SHLD1: variants seen among roughly 807,000 people sequenced by gnomAD.
SHLD1 encodes the protein RINN1-REV7-interacting novel NHEJ regulator 3.
In SHLD1, 3 loss-of-function variants were observed where a neutral mutation model predicts 5.5. That is an observed-to-expected ratio of 0.54 (90% CI 0.25 to 1.40). SHLD1 has a LOEUF of 1.40. SHLD1 is among the 40% of genes most tolerant of loss of function. The pLI is 0.15. For synonymous variants in SHLD1, 92 were observed against 94.3 expected (o/e 0.98, Z 0.14); for missense variants, 210 against 244.4 (o/e 0.86, Z 0.94).
intron 2 of SHLD1, among the ~76,000 whole-genome samples, chr20:5,821,914 A>G (rs962295090): frequency 7.2e-5 from 11 of 152,098 alleles, no homozygotes; most frequent in Non-Finnish European, 1.2e-4. Context: ...TCATGATCTC[A>G]TCTCAGACAT....
At chr20:5,841,301 A>C (rs2087857025) in intron 2 of SHLD1, among the ~76,000 whole-genome samples, 1 of 152,188 alleles carries the variant, frequency 6.6e-6, no homozygotes, top group South Asian at 2.1e-4. Context: ...GTGAATTTTT[A>C]TATATGTGGG....
intron 2 of SHLD1, among the ~76,000 whole-genome samples, chr20:5,807,399 T>G (rs1321872495): frequency 6.6e-6 from 1 of 152,022 alleles, no homozygotes; most frequent in African/African-American, 2.4e-5. Flanking sequence ...TTTCCTTTTT[T>G]TTGAATTGGG....
At chr20:5,835,250 T>C (rs536869427) in intron 2 of SHLD1, among the ~76,000 whole-genome samples, 2 of 152,198 alleles carry the variant, frequency 1.3e-5, no homozygotes, top group South Asian at 2.1e-4. Context: ...TTCTTCCCGC[T>C]AGTTGTGTTG....
chr20:5,794,785 A>G (rs1323021266), intron 2 of SHLD1, among the ~76,000 whole-genome samples: 1 of 152,196 alleles, frequency 6.6e-6, no homozygotes, highest in Non-Finnish European at 1.5e-5. Flanking sequence ...TAGACGTCTA[A>G]TCAGTGAAAT....
chr20:5,847,742 G>A (rs2087949218), intron 2 of SHLD1, among the ~76,000 whole-genome samples: 1 of 152,210 alleles, frequency 6.6e-6, no homozygotes. Context: ...TCAGAATTTG[G>A]CAAAGATGTG....
rs184429530 is a variant in SHLD1 at position 5,753,165 on chromosome 20, T to C, written c.-5+2686T>C. Among the ~76,000 whole-genome samples, 244 of 152,296 alleles carry C rather than the reference T, an allele frequency of 1.6e-3. 1 individual carries two copies. The highest frequency in any genetic ancestry group is 5.8e-3 in the African/African-American group (241 of 41,576). Reference sequence around the variant, plus strand: ...CATGTGATGCTATACCAGTGTCAGGTTGGAAGATAAGCCACATTATACCAG... The same window carrying C: ...CATGTGATGCTATACCAGTGTCAGGCTGGAAGATAAGCCACATTATACCAG... On this transcript the variant is annotated intron_variant, in intron 1 of 2. Coordinates refer to ENST00000303142, the MANE Select transcript of SHLD1 (RefSeq NM_152504.4).
chr20:5,763,958 AAAAAAAAAAAAT>A, intron 1 of SHLD1, among the ~76,000 whole-genome samples: 1 of 146,018 alleles, frequency 6.8e-6, no homozygotes, highest in African/African-American at 2.5e-5. Context: ...AAAAAAAAAA[AAAAAAAAAAAAT>A]AGAAAAATCA....
At chr20:5,827,577 C>T (rs1397767316) in intron 2 of SHLD1, among the ~76,000 whole-genome samples, 1 of 152,174 alleles carries the variant, frequency 6.6e-6, no homozygotes, top group Non-Finnish European at 1.5e-5. Flanking sequence ...GTCCCCATAC[C>T]CTCCTCCCCT....
chr20:5,758,137 C>T (rs1467535016), intron 1 of SHLD1, among the ~76,000 whole-genome samples: 3 of 151,452 alleles, frequency 2.0e-5, no homozygotes, highest in Non-Finnish European at 4.4e-5. Flanking sequence ...AGATGCACCT[C>T]TGCTGGAAGG....
At chr20:5,844,907 G>T (rs1387550485) in intron 2 of SHLD1, among the ~76,000 whole-genome samples, 2 of 150,052 alleles carry the variant, frequency 1.3e-5, no homozygotes, top group Non-Finnish European at 3.0e-5. Flanking sequence ...TGATTCTTGT[G>T]CCTCAGCCTC....
rs150675433 is a variant in SHLD1, at chr20:5,844,770, CATATAT to C, written c.179-18229_179-18224del. On this transcript the variant is annotated intron_variant, in intron 2 of 2. Coordinates refer to ENST00000303142, the MANE Select transcript of SHLD1 (RefSeq NM_152504.4). Reference sequence around the variant, plus strand: ...ATAATATCTATCACTGTGTAGTAGACATATATATATATATATATATATATATATATT... The same window carrying C: ...ATAATATCTATCACTGTGTAGTAGACATATATATATATATATATATATATT... Among the ~76,000 whole-genome samples the C allele has an allele frequency of 8.6e-4, 87 of 100,998 alleles. 1 individual carries two copies. The highest frequency in any genetic ancestry group is 1.3e-3 in the African/African-American group (33 of 24,530). The allele number at this position is 100,998 out of a possible 152,430, so 66.3% of individuals were successfully genotyped here. A position where few individuals can be genotyped will look rare whatever the true frequency, so the allele number is the denominator to read the frequency against.
At chr20:5,755,802 G>A (rs117885264) in intron 1 of SHLD1, among the ~76,000 whole-genome samples, 2,003 of 152,140 alleles carry the variant, frequency 0.013, 19 homozygotes, top group South Asian at 0.034. Context: ...CAAGTGATCC[G>A]CCCACCTCGG....
chr20:5,760,382 G>T lies in SHLD1; in HGVS notation c.-5+9903G>T, dbSNP rs970198488. ...TTCCTCTCTGCTGGCTTCTGTATGTGTGTGTGTGTGAATTAAGGACCAAGA... is the reference window on the plus strand; with the variant it reads ...TTCCTCTCTGCTGGCTTCTGTATGTTTGTGTGTGTGAATTAAGGACCAAGA... On this transcript the variant is annotated intron_variant, in intron 1 of 2. Transcript: ENST00000303142. 2.6e-5 allele frequency among the ~76,000 whole-genome samples: 4 copies of T among 152,114 alleles called. No homozygotes were observed. In the East Asian group the frequency reaches 7.7e-4, roughly 29 times the overall value.
intron 2 of SHLD1, among the ~76,000 whole-genome samples, chr20:5,837,562 G>A (rs942981739): frequency 2.0e-5 from 3 of 151,812 alleles, no homozygotes; most frequent in Admixed American, 6.6e-5. Flanking sequence ...GAGAACATGC[G>A]GTGTTTGGTT....
chr20:5,830,225 G>A (rs1372950210), intron 2 of SHLD1, among the ~76,000 whole-genome samples: 1 of 152,148 alleles, frequency 6.6e-6, no homozygotes, highest in African/African-American at 2.4e-5. Context: ...CTCTATACAT[G>A]CCCTTTATCA....
intron 2 of SHLD1, among the ~76,000 whole-genome samples, chr20:5,788,191 T>C (rs148682927): frequency 6.6e-6 from 1 of 151,250 alleles, no homozygotes; most frequent in African/African-American, 2.5e-5. Flanking sequence ...GTATGTGAGG[T>C]TTTTTTCCTT....
At chr20:5,794,179 T>G (rs2087179722) in intron 2 of SHLD1, among the ~76,000 whole-genome samples, 2 of 152,246 alleles carry the variant, frequency 1.3e-5, no homozygotes. Context: ...TGCACTTCAC[T>G]CTTTCTTAGT....
intron 1 of SHLD1, 31 bp downstream of exon 1, chr20:5,750,510 G>C (rs1983678807): frequency 7.6e-6 from 1 of 130,970 alleles, no homozygotes; most frequent in Non-Finnish European, 1.6e-5. Flanking sequence ...GGGGGGGTTG[G>C]AGTGGTGGGG....
intron 2 of SHLD1, among the ~76,000 whole-genome samples, chr20:5,773,850 C>T (rs543014846): frequency 2.0e-5 from 3 of 152,186 alleles, no homozygotes; most frequent in East Asian, 3.9e-4. Flanking sequence ...CTGTAAGATA[C>T]TTAGCATGGT....
Sources: gnomAD v4.1 joint callset for allele counts (sites outside exome capture counted in the v4.1 genomes callset) on GRCh38, gnomAD v4.1.1 for gene constraint, MANE v1.5 for transcripts, NCBI Gene and HGNC (gene_info 2026-07-23, HGNC 2026-07-21) for gene names.